Variants in PCDH7 observed in about 807,000 individuals in gnomAD.
PCDH7 encodes the protein protocadherin 7, also known as protocadherin-7.
In PCDH7, 17 loss-of-function variants were observed where a neutral mutation model predicts 58.9. The ratio of observed to expected loss-of-function variants is 0.29; its 90% CI spans 0.20 to 0.43. The LOEUF is 0.43. PCDH7 is among the 20% of genes least tolerant of loss of function. The pLI, the probability that PCDH7 is intolerant of heterozygous loss-of-function variation, is 1.00. For missense variants in PCDH7, 1,274 were observed against 1,441.0 expected, an observed-to-expected ratio of 0.88 and a Z score of 1.88; for synonymous variants, 664 against 616.4, an observed-to-expected ratio of 1.08 and a Z score of -1.14.
At chr4:30,795,697 T>C (rs1724688007) in intron 1 of PCDH7, among the ~76,000 whole-genome samples, 1 of 152,216 alleles carries the variant, frequency 6.6e-6, no homozygotes, top group Admixed American at 6.5e-5. Flanking sequence ...TCTAAACTTA[T>C]TAGAGCTATT....
In PCDH7 at chr4:30,742,467, A is replaced by T. The variant is rs1436609758; in HGVS notation, c.70+17871A>T. Among the ~76,000 whole-genome samples, 6 of 152,264 alleles carry T rather than the reference A, an allele frequency of 3.9e-5. No individual in the cohort carries two copies. The East Asian group carries it at 9.7e-4, about 24-fold the overall frequency. ...TGGCTTCGAAAAAACAAATTGATCC[A>T]TATAATATAGTACTTTTACAACCTA... On this transcript the variant is annotated intron_variant, in intron 1 of 3. Coordinates refer to the PCDH7 transcript ENST00000509759.
intron 1 of PCDH7, among the ~76,000 whole-genome samples, chr4:30,745,818 T>A (rs1056029609): frequency 7.9e-5 from 12 of 152,134 alleles, no homozygotes; most frequent in Non-Finnish European, 1.6e-4. Flanking sequence ...ATAATTTTTC[T>A]TCTAAAGAGA....
At chr4:30,993,430 C>T (rs1055252491) in intron 3 of PCDH7, among the ~76,000 whole-genome samples, 1 of 152,044 alleles carries the variant, frequency 6.6e-6, no homozygotes, top group Non-Finnish European at 1.5e-5. Context: ...AAAACATAAA[C>T]AGAAGGAGCT....
At chr4:30,792,104 T>C (rs1310405716) in intron 1 of PCDH7, among the ~76,000 whole-genome samples, 2 of 152,184 alleles carry the variant, frequency 1.3e-5, no homozygotes, top group East Asian at 3.9e-4. Context: ...GAAACAAAAA[T>C]TCTTGCTTAA....
chr4:31,113,646 A>C (rs1716608327), intron 3 of PCDH7, among the ~76,000 whole-genome samples: 1 of 152,098 alleles, frequency 6.6e-6, no homozygotes, highest in African/African-American at 2.4e-5. Flanking sequence ...TAATTTGTGT[A>C]GTTTCAAGAA....
intron 1 of PCDH7, among the ~76,000 whole-genome samples, chr4:30,852,880 G>A (rs557225122): frequency 2.7e-4 from 40 of 149,878 alleles, no homozygotes; most frequent in African/African-American, 9.9e-4. Context: ...AATTTGATTC[G>A]GCTTCACTGA....
At chr4:31,126,852 T>C (rs1212149327) in intron 3 of PCDH7, among the ~76,000 whole-genome samples, 3 of 152,228 alleles carry the variant, frequency 2.0e-5, no homozygotes, top group African/African-American at 7.2e-5. Context: ...TAATTTTATC[T>C]ATTTGTTTCT....
At chr4:30,844,506 T>C (rs1731654910) in intron 1 of PCDH7, among the ~76,000 whole-genome samples, 1 of 152,194 alleles carries the variant, frequency 6.6e-6, no homozygotes, top group Non-Finnish European at 1.5e-5. Context: ...TTCTTTTTCA[T>C]ACTTGGAGCT....
rs1363587283 is a variant in PCDH7 at position 30,771,797 on chromosome 4, T to A, written c.70+47201T>A. 2.6e-5 allele frequency among the ~76,000 whole-genome samples: 4 copies of A among 152,204 alleles called. No homozygotes were observed. In the East Asian group the frequency reaches 7.7e-4, roughly 29 times the overall value. ...TTTCATAAAATGCTTTATGAAATTTTATCATAAAATCATAAAGGTAACGTA... is the reference window on the plus strand; with the variant it reads ...TTTCATAAAATGCTTTATGAAATTTAATCATAAAATCATAAAGGTAACGTA... On this transcript the variant is annotated intron_variant, in intron 1 of 3. Transcript: ENST00000509759.
At chr4:30,832,502 A>G (rs748741699) in intron 1 of PCDH7, among the ~76,000 whole-genome samples, 3 of 152,182 alleles carry the variant, frequency 2.0e-5, no homozygotes, top group Non-Finnish European at 4.4e-5. Context: ...CAGAGGCTCT[A>G]ATGATTAGTG....
At chr4:30,944,976 A>G (rs1746493842) in intron 2 of PCDH7, among the ~76,000 whole-genome samples, 1 of 152,132 alleles carries the variant, frequency 6.6e-6, no homozygotes, top group Non-Finnish European at 1.5e-5. Flanking sequence ...ACATTTGCCG[A>G]TAGTGTTTTA....
At chr4:30,917,847 T>C (rs2109412325) in intron 1 of PCDH7, among the ~76,000 whole-genome samples, 1 of 152,280 alleles carries the variant, frequency 6.6e-6, no homozygotes, top group East Asian at 1.9e-4. Context: ...GGAATAAACA[T>C]TTAAGCACAG....
rs187624441 is a variant in PCDH7 at position 30,831,437 on chromosome 4, A to T, written c.71-88716A>T. The stretch of plus-strand genomic sequence containing the variant: ...TGAGTATAACAACTATACATAGGGT[A>T]ATATCAGTTTTAAACTGTATTAGAT... On this transcript the variant is annotated intron_variant, in intron 1 of 3. Coordinates refer to the PCDH7 transcript ENST00000509759. 1.6e-3 allele frequency among the ~76,000 whole-genome samples: 241 copies of T among 152,258 alleles called. 1 individual carries two copies. The highest frequency in any genetic ancestry group is 5.5e-3 in the African/African-American group (227 of 41,570).
chr4:30,820,940 A>G (rs1169497665), intron 1 of PCDH7, among the ~76,000 whole-genome samples: 2 of 152,100 alleles, frequency 1.3e-5, no homozygotes, highest in East Asian at 1.9e-4. Flanking sequence ...CGTATAATGG[A>G]ATTATTTTTC....
In PCDH7 at chr4:30,874,245, C is replaced by T. The variant is rs1438590510; in HGVS notation, c.71-45908C>T. Among the ~76,000 whole-genome samples the T allele has an allele frequency of 5.9e-5, 9 of 151,856 alleles. No homozygotes were observed. In the South Asian group the frequency reaches 1.0e-3, roughly 18 times the overall value. On this transcript the variant is annotated intron_variant, in intron 1 of 3. Transcript: ENST00000509759. ...ATGCTGCTATAAAGACACATGCACA[C>T]GTATGTTTATTGCGGCACTATTCAC...
intron 3 of PCDH7, among the ~76,000 whole-genome samples, chr4:30,959,653 T>C (rs1300876899): frequency 6.6e-6 from 1 of 152,186 alleles, no homozygotes; most frequent in Non-Finnish European, 1.5e-5. Context: ...TAAATCAATT[T>C]TAAAGTGCCA....
intron 1 of PCDH7, among the ~76,000 whole-genome samples, chr4:30,800,725 A>C (rs1328186108): frequency 6.6e-6 from 1 of 152,244 alleles, no homozygotes; most frequent in African/African-American, 2.4e-5. Context: ...TCATGAACAA[A>C]GTCAAGAGGT....
chr4:30,949,826 A>T (rs932429403), intron 2 of PCDH7, among the ~76,000 whole-genome samples: 1 of 152,078 alleles, frequency 6.6e-6, no homozygotes, highest in African/African-American at 2.4e-5. Flanking sequence ...TTATGCCCAT[A>T]TGTGAAGGTC....
chr4:30,859,028 A>G (rs2109352671), intron 1 of PCDH7, among the ~76,000 whole-genome samples: 1 of 152,286 alleles, frequency 6.6e-6, no homozygotes, highest in African/African-American at 2.4e-5. Context: ...CCTGAGCACT[A>G]CAGCTTATAG....
Sources: allele counts gnomAD v4.1 joint callset (sites outside exome capture counted in the v4.1 genomes callset), GRCh38; gene constraint gnomAD v4.1.1; transcripts MANE v1.5; gene names NCBI Gene and HGNC (gene_info 2026-07-23, HGNC 2026-07-21).